Variants in TYW1B observed in about 807,000 individuals in gnomAD.
TYW1B encodes the protein tRNA-yW synthesizing protein 1 homolog B.
TYW1B carries 73 observed loss-of-function variants against 86.9 expected under a neutral mutation model. The ratio of observed to expected loss-of-function variants is 0.84; its 90% CI spans 0.70 to 1.02. The LOEUF is 1.02. Among genes scored for constraint, TYW1B ranks in the 50% least tolerant of loss-of-function variants. The pLI is 0.00. For missense variants in TYW1B, 637 were observed against 827.4 expected (o/e 0.77, Z 2.82); for synonymous variants, 248 against 292.8 (o/e 0.85, Z 1.56).
rs2844196 is a variant in TYW1B at position 72,671,776 on chromosome 7, T to A, written c.1506+22911A>T. Among the ~76,000 whole-genome samples the A allele has an allele frequency of 1.2e-3, 179 of 151,562 alleles. 1 individual carries two copies. The Middle Eastern group carries it at 0.024, about 20-fold the overall frequency. On this transcript the variant is annotated intron_variant, in intron 11 of 13. Transcript: ENST00000620995. ...GGACATTTTAGTACCAACTTTAAAC[T>A]TTTTTTAAAAGTGTACCAACTTTAT...
chr7:72,599,581 G>A (rs1811609987), intron 13 of TYW1B, among the ~76,000 whole-genome samples: 1 of 152,008 alleles, frequency 6.6e-6, no homozygotes, highest in Admixed American at 6.6e-5. Flanking sequence ...TTAGGAAGGA[G>A]GAAATAAAAC....
intron 11 of TYW1B, among the ~76,000 whole-genome samples, chr7:72,649,415 G>A (rs1813008511): frequency 6.6e-6 from 1 of 152,112 alleles, no homozygotes; most frequent in Non-Finnish European, 1.5e-5. Context: ...AGAAATAAGA[G>A]AAACAATGTC....
chr7:72,774,231 G>C (rs1787914187), intron 7 of TYW1B, among the ~76,000 whole-genome samples: 1 of 152,000 alleles, frequency 6.6e-6, no homozygotes, highest in African/African-American at 2.4e-5. Flanking sequence ...AGATGCACAA[G>C]GCATTAGGTA....
chr7:72,621,365 C>G (rs186750003), intron 12 of TYW1B, among the ~76,000 whole-genome samples: 8 of 152,326 alleles, frequency 5.3e-5, no homozygotes, highest in Admixed American at 1.3e-4. Context: ...TTCAATAACT[C>G]CCCTTTAAAC....
At chr7:72,687,967 G>A (rs1554449705) in intron 11 of TYW1B, among the ~76,000 whole-genome samples, 1 of 152,046 alleles carries the variant, frequency 6.6e-6, no homozygotes, top group African/African-American at 2.4e-5. Context: ...CAGGAGGATT[G>A]CTTGAGTCCA....
chr7:72,785,547 G>A (rs1554472292), intron 6 of TYW1B, among the ~76,000 whole-genome samples: 2 of 151,788 alleles, frequency 1.3e-5, no homozygotes, highest in Non-Finnish European at 2.9e-5. Flanking sequence ...TTATAAGGCA[G>A]ATACCGTTAT....
At chr7:72,594,003 T>C (rs1280426075) in intron 13 of TYW1B, among the ~76,000 whole-genome samples, 1 of 151,652 alleles carries the variant, frequency 6.6e-6, no homozygotes, top group African/African-American at 2.4e-5. Flanking sequence ...TCAAAACGTA[T>C]GGGACACAGT....
intron 3 of TYW1B, among the ~76,000 whole-genome samples, chr7:72,814,570 C>T (rs367849975): frequency 4.7e-5 from 7 of 150,238 alleles, no homozygotes; most frequent in East Asian, 3.9e-4. Flanking sequence ...GGTGACAGAG[C>T]GAGACTCCGT....
intron 10 of TYW1B, among the ~76,000 whole-genome samples, chr7:72,695,895 C>T (rs1183223192): frequency 3.9e-5 from 6 of 152,162 alleles, no homozygotes; most frequent in Non-Finnish European, 5.9e-5. Context: ...TGCACCCGAC[C>T]CTACTAGATT....
chr7:72,774,062 C>CAAAAA (rs35480783), intron 7 of TYW1B, among the ~76,000 whole-genome samples: 2 of 54,808 alleles, frequency 3.6e-5, no homozygotes, highest in African/African-American at 5.8e-5. Flanking sequence ...AACTCCATCT[C>CAAAAA]AAAAAAAAAA....
At chr7:72,604,260 C>G (rs1163361817) in intron 13 of TYW1B, among the ~76,000 whole-genome samples, 3 of 152,226 alleles carry the variant, frequency 2.0e-5, no homozygotes, top group East Asian at 1.9e-4. Context: ...GTCAGGAGTT[C>G]AAGGCCAGAC....
rs782369722 is a variant in TYW1B, at chr7:72,694,747, G to C, written c.1446C>G (p.Arg482=). Residue 482 remains arginine (R), a synonymous_variant, in exon 11 of 14, where the codon CGC becomes CGG. Transcript: ENST00000620995. ...GCTGCCAGAAATCCTTGAAGAGTGG[G>C]CGGTCGATTTTCTTCAGGCTGTCTT... is the stretch of plus-strand genomic sequence containing the variant. ...STKDSLKKID[R]PLFKDFWQQF... The C allele has an allele frequency of 3.1e-6, 5 of 1,613,990 alleles. No individual in the cohort carries two copies. The South Asian group carries it at 4.4e-5, about 14-fold the overall frequency.
intron 13 of TYW1B, among the ~76,000 whole-genome samples, chr7:72,596,238 CA>C (rs1811530820): frequency 7.1e-6 from 1 of 140,796 alleles, no homozygotes; most frequent in Non-Finnish European, 1.5e-5. Flanking sequence ...CCTACATATT[CA>C]ATACAGTATC....
intron 9 of TYW1B, among the ~76,000 whole-genome samples, chr7:72,718,970 A>G (rs527489301): frequency 4.3e-4 from 65 of 152,192 alleles, no homozygotes; most frequent in Admixed American, 9.8e-4. Context: ...CACCCTCTCC[A>G]AGCCCATTCC....
At chr7:72,715,466 C>T (rs559082717) in intron 9 of TYW1B, among the ~76,000 whole-genome samples, 115 of 152,156 alleles carry the variant, frequency 7.6e-4, no homozygotes, top group South Asian at 1.0e-3. Context: ...ATATGCTGTC[C>T]TAAAAGTCCT....
chr7:72,653,539 G>A (rs1362273198), intron 11 of TYW1B, among the ~76,000 whole-genome samples: 9 of 151,952 alleles, frequency 5.9e-5, no homozygotes, highest in South Asian at 4.2e-4. Context: ...CCTGGGAGGC[G>A]GAGCTTGCAG....
At position 72,676,802 on chromosome 7, in the gene TYW1B, A is replaced by G. The variant is rs189094384; in HGVS notation, c.1506+17885T>C. On this transcript the variant is annotated intron_variant, in intron 11 of 13. Coordinates refer to ENST00000620995, the MANE Select transcript of TYW1B (RefSeq NM_001145440.3). ...GGGGAAACCCCATCTCTACTAAAAT[A>G]CAAAAAAATAGCCAGTGTGGTGGCA... Among the ~76,000 whole-genome samples the G allele has an allele frequency of 3.2e-3, 488 of 152,242 alleles. 8 individuals are homozygous for G. The East Asian group carries it at 0.035, about 11-fold the overall frequency.
chr7:72,612,423 A>G (rs553573276), intron 13 of TYW1B, among the ~76,000 whole-genome samples: 8 of 152,336 alleles, frequency 5.3e-5, no homozygotes, highest in African/African-American at 9.6e-5. Context: ...CTATTTTACA[A>G]TCAATAAAAC....
At chr7:72,743,337 C>A (rs1299870551) in intron 8 of TYW1B, among the ~76,000 whole-genome samples, 1 of 152,178 alleles carries the variant, frequency 6.6e-6, no homozygotes. Context: ...CTAGAAGAGA[C>A]TGGTATCTCT....
Sources: gnomAD v4.1 joint callset for allele counts (sites outside exome capture counted in the v4.1 genomes callset) on GRCh38, gnomAD v4.1.1 for gene constraint, MANE v1.5 for transcripts, NCBI Gene and HGNC (gene_info 2026-07-23, HGNC 2026-07-21) for gene names.